The following ERC2 variants were observed in gnomAD, a reference collection of about 807,000 sequenced individuals.
ERC2 encodes the protein ERC protein 2.
A neutral mutation model predicts 114.8 loss-of-function variants in ERC2; 42 were observed. The ratio of observed to expected loss-of-function variants is 0.37; its 90% CI spans 0.29 to 0.47. ERC2 has a LOEUF of 0.47. Ranked by LOEUF, ERC2 falls within the 20% of genes least tolerant of loss-of-function variation. The pLI, the probability that ERC2 is intolerant of heterozygous loss-of-function variation, is 0.99. For missense variants in ERC2, 939 were observed against 1,150.7 expected, an observed-to-expected ratio of 0.82 and a Z score of 2.66; for synonymous variants, 454 against 425.5, an observed-to-expected ratio of 1.07 and a Z score of -0.82.
At chr3:56,276,958 T>C (rs537063140) in intron 3 of ERC2, among the ~76,000 whole-genome samples, 1 of 152,324 alleles carries the variant, frequency 6.6e-6, no homozygotes, top group South Asian at 2.1e-4. Flanking sequence ...CTTGTACCAG[T>C]ATATCAGGGC....
At chr3:55,521,229 C>T (rs1304510418) in intron 17 of ERC2, among the ~76,000 whole-genome samples, 1 of 152,194 alleles carries the variant, frequency 6.6e-6, no homozygotes, top group Non-Finnish European at 1.5e-5. Flanking sequence ...CCACCTGGGT[C>T]CAGGCGAGAC....
rs577097265 is a variant in ERC2 at position 55,742,685 on chromosome 3, C to T, written c.2565-7767G>A. Among the ~76,000 whole-genome samples, 5 of 152,320 alleles carry T rather than the reference C, an allele frequency of 3.3e-5. No homozygotes were observed. In the South Asian group the frequency reaches 8.3e-4, roughly 25 times the overall value. ...TTCCCTCATGACCCTGAATATTCAACTGTAAGTTCAGTAGGAGGTGACTTC... is the reference window on the plus strand; with the variant it reads ...TTCCCTCATGACCCTGAATATTCAATTGTAAGTTCAGTAGGAGGTGACTTC... On this transcript the variant is annotated intron_variant, in intron 14 of 17. Coordinates refer to ENST00000288221, the MANE Select transcript of ERC2 (RefSeq NM_015576.3).
In ERC2 at chr3:56,339,176, C is replaced by T. The variant is rs951405393; in HGVS notation, c.658-42741G>A. Among the ~76,000 whole-genome samples the T allele has an allele frequency of 3.3e-5, 5 of 152,170 alleles. 1 individual carries two copies. The South Asian group carries it at 8.3e-4, about 25-fold the overall frequency. On this transcript the variant is annotated intron_variant, in intron 2 of 17. Transcript: ENST00000288221. ...ATGCAAGTCTTTCTCTTAAGGGAGC[C>T]GCAATTGAATCAGGAAAATAGAAGT...
intron 3 of ERC2, among the ~76,000 whole-genome samples, chr3:56,276,363 T>C (rs889353167): frequency 3.3e-5 from 5 of 151,454 alleles, no homozygotes; most frequent in Admixed American, 1.3e-4. Flanking sequence ...AACCATCTTT[T>C]ATTATTCAGC....
chr3:56,321,646 A>G (rs535637196), intron 2 of ERC2, among the ~76,000 whole-genome samples: 2 of 152,354 alleles, frequency 1.3e-5, no homozygotes, highest in East Asian at 3.9e-4. Context: ...CTCTGATTAT[A>G]TAAGTTTGTT....
rs2051957447 is a variant in ERC2 at position 55,509,669 on chromosome 3, T to C, written c.*1647A>G. 3.3e-5 allele frequency: 5 copies of C among 152,612 alleles called. No homozygotes were observed. The South Asian group carries it at 1.0e-3, about 32-fold the overall frequency. 9.5% of individuals were successfully genotyped at this position (152,612 alleles called of 1,614,324 possible). On this transcript the variant is annotated 3_prime_UTR_variant, in exon 18 of 18. Coordinates refer to ENST00000288221, the MANE Select transcript of ERC2 (RefSeq NM_015576.3). ...GGTGCAACTCAGGGACGGTTTCATC[T>C]TCCCCGACAAATAAGGTGTTTGTCT...
At chr3:55,856,973 C>T (rs2061814747) in intron 14 of ERC2, among the ~76,000 whole-genome samples, 1 of 150,712 alleles carries the variant, frequency 6.6e-6, no homozygotes, top group Non-Finnish European at 1.5e-5. Context: ...GAAAACCATA[C>T]AGACAGAAAG....
chr3:55,834,599 A>G (rs1359906974), intron 14 of ERC2, among the ~76,000 whole-genome samples: 2 of 151,570 alleles, frequency 1.3e-5, no homozygotes, highest in African/African-American at 4.9e-5. Context: ...TCTCTGGGAC[A>G]CATTCAAAGC....
intron 3 of ERC2, among the ~76,000 whole-genome samples, chr3:56,267,602 T>C (rs1263239392): frequency 9.2e-5 from 12 of 130,762 alleles, no homozygotes; most frequent in Non-Finnish European, 1.7e-4. Flanking sequence ...AAACCCCGTC[T>C]GTACTAAAAA....
chr3:56,446,934 C>A (rs909432171), intron 1 of ERC2, among the ~76,000 whole-genome samples: 3 of 152,024 alleles, frequency 2.0e-5, no homozygotes, highest in Admixed American at 1.3e-4. Flanking sequence ...GCCGAGAGTG[C>A]ATTTTCAAGA....
intron 1 of ERC2, among the ~76,000 whole-genome samples, chr3:56,465,435 T>G (rs111585728): frequency 0.018 from 2,762 of 152,264 alleles, 38 homozygotes; most frequent in Middle Eastern, 0.041. Context: ...AAGACGGTCA[T>G]GCTATTACAA....
At chr3:56,462,634 G>A (rs2063364519) in intron 1 of ERC2, among the ~76,000 whole-genome samples, 1 of 152,144 alleles carries the variant, frequency 6.6e-6, no homozygotes, top group Non-Finnish European at 1.5e-5. Context: ...AAGTCAAAAT[G>A]ATGTTGTTTT....
intron 17 of ERC2, among the ~76,000 whole-genome samples, chr3:55,536,482 G>A (rs1327512798): frequency 6.6e-6 from 1 of 152,344 alleles, no homozygotes; most frequent in East Asian, 1.9e-4. Context: ...CTGATACAGA[G>A]TATGTGCCCA....
chr3:55,955,150 A>C (rs1193045721), intron 12 of ERC2: 2 of 516,904 alleles, frequency 3.9e-6, no homozygotes, highest in Admixed American at 3.9e-5. Flanking sequence ...AACTCCTGGA[A>C]ACTCCACACC....
intron 16 of ERC2, among the ~76,000 whole-genome samples, chr3:55,693,857 C>T (rs951433697): frequency 1.3e-5 from 2 of 151,856 alleles, no homozygotes; most frequent in Admixed American, 6.6e-5. Flanking sequence ...TACAGGCACT[C>T]ACCACCACAC....
At chr3:56,290,105 T>C (rs1366609155) in intron 3 of ERC2, among the ~76,000 whole-genome samples, 1 of 152,182 alleles carries the variant, frequency 6.6e-6, no homozygotes, top group Non-Finnish European at 1.5e-5. Flanking sequence ...ATATGCCCAA[T>C]GATGTCCAAC....
intron 13 of ERC2, among the ~76,000 whole-genome samples, chr3:55,948,173 T>C (rs1206924044): frequency 2.0e-5 from 3 of 152,252 alleles, no homozygotes; most frequent in African/African-American, 7.2e-5. Flanking sequence ...CTTTGAAGCC[T>C]GATCCACTAG....
At chr3:56,224,459 A>G (rs1157279876) in intron 3 of ERC2, among the ~76,000 whole-genome samples, 1 of 152,164 alleles carries the variant, frequency 6.6e-6, no homozygotes, top group African/African-American at 2.4e-5. Flanking sequence ...ATGGAAATAG[A>G]GATGGCGGGG....
intron 12 of ERC2, among the ~76,000 whole-genome samples, chr3:55,970,911 A>C (rs956926646): frequency 1.3e-5 from 2 of 152,334 alleles, no homozygotes; most frequent in East Asian, 3.9e-4. Flanking sequence ...AATATTTTTC[A>C]TATCAGCTAA....
Sources: gnomAD v4.1 joint callset for allele counts (sites outside exome capture counted in the v4.1 genomes callset) on GRCh38, gnomAD v4.1.1 for gene constraint, MANE v1.5 for transcripts, NCBI Gene and HGNC (gene_info 2026-07-23, HGNC 2026-07-21) for gene names.